Variants in PEX5L observed in about 807,000 individuals in gnomAD.
PEX5L encodes the protein PEX5-related protein.
PEX5L carries 30 observed loss-of-function variants against 84.0 expected under a neutral mutation model. That is an observed-to-expected ratio of 0.36 (90% CI 0.27 to 0.48). PEX5L has a LOEUF of 0.48. Ranked by LOEUF, PEX5L falls within the 20% of genes least tolerant of loss-of-function variation. The pLI, the probability that PEX5L is intolerant of heterozygous loss-of-function variation, is 0.99. For missense variants in PEX5L, 533 were observed against 754.6 expected, an observed-to-expected ratio of 0.71 and a Z score of 3.44; for synonymous variants, 270 against 283.1, an observed-to-expected ratio of 0.95 and a Z score of 0.46.
At chr3:179,972,034 T>C (rs562728420) in intron 1 of PEX5L, among the ~76,000 whole-genome samples, 2 of 152,140 alleles carry the variant, frequency 1.3e-5, no homozygotes, top group Non-Finnish European at 2.9e-5. Flanking sequence ...TTCATTTAGC[T>C]TTATACTCAA....
chr3:179,905,392 T>C (rs1210178290), intron 2 of PEX5L, among the ~76,000 whole-genome samples: 3 of 151,672 alleles, frequency 2.0e-5, no homozygotes, highest in Admixed American at 6.6e-5. Context: ...CCTGCCTCAG[T>C]CTCCCGAGTA....
chr3:179,886,835 G>C (rs551034787), intron 4 of PEX5L, among the ~76,000 whole-genome samples: 18 of 152,162 alleles, frequency 1.2e-4, no homozygotes, highest in Non-Finnish European at 2.4e-4. Context: ...TGACAAAATG[G>C]AACAAATTTA....
At chr3:179,929,411 AT>A (rs1159913639) in intron 2 of PEX5L, among the ~76,000 whole-genome samples, 1 of 151,966 alleles carries the variant, frequency 6.6e-6, no homozygotes, top group East Asian at 1.9e-4. Context: ...AGAATTTTGC[AT>A]TTATTTTCAG....
At chr3:179,997,147 T>C (rs1561039721) in intron 1 of PEX5L, among the ~76,000 whole-genome samples, 1 of 152,104 alleles carries the variant, frequency 6.6e-6, no homozygotes, top group Non-Finnish European at 1.5e-5. Flanking sequence ...CTTTCTCCTA[T>C]CCTTCCCCAA....
chr3:179,995,719 G>A (rs1262858484), intron 1 of PEX5L, among the ~76,000 whole-genome samples: 1 of 152,152 alleles, frequency 6.6e-6, no homozygotes, highest in Admixed American at 6.5e-5. Context: ...CCCTGACTGA[G>A]AGTCTTATCT....
intron 7 of PEX5L, among the ~76,000 whole-genome samples, chr3:179,860,660 A>G (rs187590720): frequency 9.6e-4 from 146 of 152,310 alleles, no homozygotes; most frequent in Non-Finnish European, 6.0e-4. Flanking sequence ...TTGGTCCTGA[A>G]GGGGACCCCC....
chr3:180,034,192 G>T (rs527972539), intron 1 of PEX5L, among the ~76,000 whole-genome samples: 32 of 152,146 alleles, frequency 2.1e-4, no homozygotes, highest in Non-Finnish European at 4.3e-4. Flanking sequence ...CTTGGATACA[G>T]AAAAGAGAAG....
rs11926960 is a variant in PEX5L, at chr3:179,853,312, A to T, written c.822+5750T>A. On this transcript the variant is annotated intron_variant, in intron 8 of 14. Coordinates refer to ENST00000467460, the MANE Select transcript of PEX5L (RefSeq NM_016559.3). ...AAATCCAATGTATTCTAAATGTTGC[A>T]GCACTTAGAGAGACTAGCTAAACAC... Among the ~76,000 whole-genome samples, 1,063 of 152,328 alleles carry T rather than the reference A, an allele frequency of 7.0e-3. 11 individuals carry two copies. The highest frequency in any genetic ancestry group is 0.025 in the African/African-American group (1,019 of 41,572).
chr3:179,989,678 C>T (rs1787203825), intron 1 of PEX5L, among the ~76,000 whole-genome samples: 1 of 151,964 alleles, frequency 6.6e-6, no homozygotes, highest in East Asian at 1.9e-4. Flanking sequence ...GCCTTATGCA[C>T]TTAGATTATG....
chr3:179,916,467 G>A (rs759908968), intron 2 of PEX5L, among the ~76,000 whole-genome samples: 4 of 152,124 alleles, frequency 2.6e-5, no homozygotes, highest in Non-Finnish European at 4.4e-5. Context: ...TACTTACCAT[G>A]AATGAAACTT....
chr3:179,997,735 C>CCACTTG (rs1788024637), intron 1 of PEX5L, among the ~76,000 whole-genome samples: 1 of 152,224 alleles, frequency 6.6e-6, no homozygotes, highest in Non-Finnish European at 1.5e-5. Flanking sequence ...AAGTGCTTTA[C>CCACTTG]CAGATGTGAT....
At chr3:179,827,336 C>T (rs1730903782) in intron 8 of PEX5L, among the ~76,000 whole-genome samples, 1 of 152,176 alleles carries the variant, frequency 6.6e-6, no homozygotes, top group Non-Finnish European at 1.5e-5. Flanking sequence ...AAGCCCAAGC[C>T]TCAAAGGCCC....
At chr3:179,903,922 T>C (rs1179155061) in intron 2 of PEX5L, among the ~76,000 whole-genome samples, 3 of 152,222 alleles carry the variant, frequency 2.0e-5, no homozygotes, top group Non-Finnish European at 4.4e-5. Context: ...TTTCTAAACA[T>C]TCTGAAAGAA....
chr3:180,021,751 G>A (rs955366190), intron 1 of PEX5L, among the ~76,000 whole-genome samples: 7 of 152,206 alleles, frequency 4.6e-5, no homozygotes, highest in Non-Finnish European at 8.8e-5. Context: ...AACAGGTACA[G>A]GTAGTCAGTT....
chr3:179,943,341 T>A (rs1293262088), intron 2 of PEX5L, among the ~76,000 whole-genome samples: 3 of 152,366 alleles, frequency 2.0e-5, no homozygotes, highest in Non-Finnish European at 4.4e-5. Flanking sequence ...TATAAGTGAG[T>A]GAATTGCTCA....
At chr3:179,950,061 G>A (rs924704110) in intron 2 of PEX5L, among the ~76,000 whole-genome samples, 1 of 152,176 alleles carries the variant, frequency 6.6e-6, no homozygotes, top group Non-Finnish European at 1.5e-5. Flanking sequence ...TGAAACTGTG[G>A]TCGAAGGACT....
intron 1 of PEX5L, among the ~76,000 whole-genome samples, chr3:180,023,168 A>C (rs1790570617): frequency 2.0e-5 from 3 of 152,194 alleles, no homozygotes; most frequent in South Asian, 4.1e-4. Flanking sequence ...TTGACAAGGA[A>C]GTCTGGGGGA....
intron 8 of PEX5L, among the ~76,000 whole-genome samples, chr3:179,848,224 G>A (rs961460240): frequency 1.3e-5 from 2 of 151,946 alleles, no homozygotes; most frequent in Non-Finnish European, 2.9e-5. Context: ...TTGAGCATTC[G>A]ACAGAAATAA....
intron 2 of PEX5L, among the ~76,000 whole-genome samples, chr3:179,909,106 T>C (rs1764289948): frequency 6.6e-6 from 1 of 152,084 alleles, no homozygotes; most frequent in Non-Finnish European, 1.5e-5. Context: ...CTTTTGCTTG[T>C]ATTCATCCAT....
Sources: allele counts gnomAD v4.1 joint callset (sites outside exome capture counted in the v4.1 genomes callset), GRCh38; gene constraint gnomAD v4.1.1; transcripts MANE v1.5; gene names NCBI Gene and HGNC (gene_info 2026-07-23, HGNC 2026-07-21).